PTK2: variants seen among roughly 807,000 people sequenced by gnomAD.
The protein encoded by PTK2 is focal adhesion kinase 1.
PTK2 carries 45 observed loss-of-function variants against 150.1 expected under a neutral mutation model. The observed-to-expected ratio is 0.30, with a 90% CI of 0.24 to 0.38. The LOEUF is 0.38. Among genes scored for constraint, PTK2 ranks in the 10% least tolerant of loss-of-function variants. The pLI is 1.00. For missense variants in PTK2, 919 were observed against 1,307.3 expected, an observed-to-expected ratio of 0.70 and a Z score of 4.58; for synonymous variants, 432 against 449.2, an observed-to-expected ratio of 0.96 and a Z score of 0.48.
chr8:140,679,947 C>T (rs1038832530), intron 27 of PTK2, among the ~76,000 whole-genome samples: 2 of 152,124 alleles, frequency 1.3e-5, no homozygotes, highest in African/African-American at 4.8e-5. Context: ...ATGGTCATAG[C>T]GTGTTAACAG....
At chr8:140,751,679 A>C (rs926692878) in intron 17 of PTK2, among the ~76,000 whole-genome samples, 5 of 151,910 alleles carry the variant, frequency 3.3e-5, no homozygotes, top group African/African-American at 1.2e-4. Context: ...TTTTAGTAGA[A>C]GACTGTTTCA....
chr8:140,981,178 C>G (rs534208527), intron 1 of PTK2, among the ~76,000 whole-genome samples: 1 of 150,858 alleles, frequency 6.6e-6, no homozygotes, highest in Non-Finnish European at 1.5e-5. Context: ...AGGGATTCAA[C>G]AGGGAACAGA....
At chr8:140,864,780 G>A (rs1189269596) in intron 4 of PTK2, among the ~76,000 whole-genome samples, 1 of 152,170 alleles carries the variant, frequency 6.6e-6, no homozygotes, top group South Asian at 2.1e-4. Context: ...TGTTCAGAAA[G>A]CTAAGCTTTA....
At chr8:140,786,931 GC>G (rs1204363616) in intron 14 of PTK2, among the ~76,000 whole-genome samples, 1 of 152,076 alleles carries the variant, frequency 6.6e-6, no homozygotes, top group Non-Finnish European at 1.5e-5. Context: ...GGATGGGAGA[GC>G]CACAGCCACC....
intron 29 of PTK2, among the ~76,000 whole-genome samples, chr8:140,673,298 C>T (rs759920538): frequency 6.6e-6 from 1 of 151,904 alleles, no homozygotes; most frequent in Non-Finnish European, 1.5e-5. Flanking sequence ...TTAGTAGAGA[C>T]GGGGTTTCAC....
At chr8:140,839,574 A>G (rs550311584) in intron 7 of PTK2, among the ~76,000 whole-genome samples, 1 of 152,366 alleles carries the variant, frequency 6.6e-6, no homozygotes, top group South Asian at 2.1e-4. Flanking sequence ...CTAGAAATGA[A>G]AAAATATAAG....
At chr8:140,848,908 C>G (rs538463629) in intron 5 of PTK2, among the ~76,000 whole-genome samples, 1 of 152,010 alleles carries the variant, frequency 6.6e-6, no homozygotes. Flanking sequence ...GAAAATGCAC[C>G]ATTACCAAAT....
chr8:140,729,592 CT>C (rs2100048018), intron 22 of PTK2, among the ~76,000 whole-genome samples: 1 of 152,196 alleles, frequency 6.6e-6, no homozygotes, highest in African/African-American at 2.4e-5. Flanking sequence ...GCTGCCATTC[CT>C]TTTAAGGACT....
At chr8:140,767,466 A>G (rs2100072985) in intron 14 of PTK2, among the ~76,000 whole-genome samples, 1 of 152,066 alleles carries the variant, frequency 6.6e-6, no homozygotes, top group Non-Finnish European at 1.5e-5. Context: ...ATGTATGGTA[A>G]TATCTGGTGT....
chr8:140,868,930 T>C (rs948430207), intron 4 of PTK2, among the ~76,000 whole-genome samples: 1 of 152,218 alleles, frequency 6.6e-6, no homozygotes, highest in Non-Finnish European at 1.5e-5. Flanking sequence ...ACTAGGACTG[T>C]ATCAATGTTA....
chr8:140,870,794 T>TTGAA (rs1303948116), intron 4 of PTK2, among the ~76,000 whole-genome samples: 6 of 152,220 alleles, frequency 3.9e-5, no homozygotes, highest in Admixed American at 3.9e-4. Flanking sequence ...AAGTTAAAAT[T>TTGAA]TGAATACTAA....
intron 10 of PTK2, among the ~76,000 whole-genome samples, chr8:140,804,359 G>T (rs1457693948): frequency 6.6e-6 from 1 of 151,772 alleles, no homozygotes; most frequent in Non-Finnish European, 1.5e-5. Flanking sequence ...GGGCTGAGGT[G>T]GGATGATCCC....
chr8:140,847,988 T>C (rs990215505), intron 5 of PTK2, among the ~76,000 whole-genome samples: 23 of 152,330 alleles, frequency 1.5e-4, no homozygotes, highest in African/African-American at 5.3e-4. Flanking sequence ...TCTGAATTGC[T>C]TGGTAAACCC....
intron 23 of PTK2, 101 bp downstream of exon 26, chr8:140,717,497 A>G: frequency 1.1e-6 from 1 of 880,468 alleles, no homozygotes; most frequent in Admixed American, 1.9e-5. Context: ...TCTTAGAATA[A>G]CCTGATATTT....
intron 3 of PTK2, among the ~76,000 whole-genome samples, chr8:140,886,085 T>C (rs1423065605): frequency 6.6e-6 from 1 of 151,980 alleles, no homozygotes; most frequent in East Asian, 1.9e-4. Flanking sequence ...AATGGGTAGG[T>C]TCTGGATATA....
At chr8:140,887,566 C>T (rs531722054) in intron 3 of PTK2, among the ~76,000 whole-genome samples, 54 of 152,126 alleles carry the variant, frequency 3.5e-4, no homozygotes, top group African/African-American at 1.3e-3. Context: ...AATCTTTAAA[C>T]TCCTCAAAAA....
At chr8:140,991,827 G>C (rs1445309316) in intron 1 of PTK2, among the ~76,000 whole-genome samples, 1 of 151,690 alleles carries the variant, frequency 6.6e-6, no homozygotes, top group Non-Finnish European at 1.5e-5. Context: ...CTGGCAACAT[G>C]GTAAATACCC....
intron 3 of PTK2, among the ~76,000 whole-genome samples, chr8:140,888,860 T>C (rs1206572997): frequency 6.6e-6 from 1 of 152,216 alleles, no homozygotes; most frequent in Non-Finnish European, 1.5e-5. Flanking sequence ...ACAATGGTTT[T>C]ATTGGAGAGT....
In PTK2 at chr8:140,940,856, G is replaced by A. The variant is rs577607665; in HGVS notation, c.-121-15107C>T. ...GCCGGGCATGGTGGTGAGTACCTGC[G>A]CTACTTGGGAGGCTGAGGCAGGAGA... On this transcript the variant is annotated intron_variant, in intron 1 of 31. Coordinates refer to ENST00000522684, the Ensembl canonical transcript of PTK2. Among the ~76,000 whole-genome samples, 35 of 152,054 alleles carry A rather than the reference G, an allele frequency of 2.3e-4. No individual in the cohort carries two copies. The South Asian group carries it at 2.5e-3, about 11-fold the overall frequency.
Sources: gnomAD v4.1 joint callset for allele counts (sites outside exome capture counted in the v4.1 genomes callset) on GRCh38, gnomAD v4.1.1 for gene constraint, MANE v1.5 for transcripts, NCBI Gene and HGNC (gene_info 2026-07-23, HGNC 2026-07-21) for gene names.